DGKI: variants seen among roughly 807,000 people sequenced by gnomAD.
The protein encoded by DGKI is DAG kinase iota.
Under a neutral mutation model 147.5 loss-of-function variants are expected in DGKI, and 55 were observed. That is an observed-to-expected ratio of 0.37 (90% confidence interval 0.30 to 0.47). The LOEUF is 0.47. Among genes scored for constraint, DGKI ranks in the 20% least tolerant of loss-of-function variants. The pLI is 1.00. For missense variants in DGKI, 1,007 were observed against 1,323.8 expected, an observed-to-expected ratio of 0.76 and a Z score of 3.71; for synonymous variants, 469 against 477.1, an observed-to-expected ratio of 0.98 and a Z score of 0.22.
At chr7:137,574,794 G>A (rs1369894786) in intron 17 of DGKI, among the ~76,000 whole-genome samples, 1 of 152,104 alleles carries the variant, frequency 6.6e-6, no homozygotes, top group Non-Finnish European at 1.5e-5. Flanking sequence ...TATGGAAAGT[G>A]GAACAAATAA....
chr7:137,482,960 A>C (rs1341919156), intron 23 of DGKI, among the ~76,000 whole-genome samples: 1 of 152,090 alleles, frequency 6.6e-6, no homozygotes, highest in East Asian at 1.9e-4. Flanking sequence ...TGTTCAGCAC[A>C]CAAAACCTTT....
chr7:137,523,645 C>T (rs6964837), intron 20 of DGKI, among the ~76,000 whole-genome samples: 14,006 of 152,090 alleles, frequency 0.092, 1,397 homozygotes, highest in African/African-American at 0.24. Context: ...ACAGCTATAC[C>T]GATCCATCAC....
intron 1 of DGKI, among the ~76,000 whole-genome samples, chr7:137,802,615 C>G (rs988284322): frequency 3.3e-5 from 5 of 152,116 alleles, no homozygotes; most frequent in Non-Finnish European, 7.4e-5. Context: ...AAGGTCCTGA[C>G]TAATAAAGGG....
chr7:137,593,511 T>TGTAACTATGTGACAGCC (rs1819686994), intron 12 of DGKI, among the ~76,000 whole-genome samples: 1 of 152,212 alleles, frequency 6.6e-6, no homozygotes, highest in African/African-American at 2.4e-5. Context: ...ATCTGACAGC[T>TGTAACTATGTGACAGCC]GTAACTATGT....
intron 21 of DGKI, among the ~76,000 whole-genome samples, chr7:137,520,976 G>A (rs1816940013): frequency 1.3e-5 from 2 of 152,042 alleles, no homozygotes; most frequent in African/African-American, 2.4e-5. Flanking sequence ...GGGTTCGTAA[G>A]TCTTTGGTTC....
At chr7:137,772,653 A>C (rs1301616258) in intron 1 of DGKI, among the ~76,000 whole-genome samples, 1 of 152,178 alleles carries the variant, frequency 6.6e-6, no homozygotes, top group African/African-American at 2.4e-5. Context: ...TTCAAAAAAA[A>C]AGAAGAAGAA....
chr7:137,604,966 T>C (rs1820124218), intron 10 of DGKI, among the ~76,000 whole-genome samples: 1 of 152,292 alleles, frequency 6.6e-6, no homozygotes, highest in East Asian at 1.9e-4. Flanking sequence ...GGGATTGCAC[T>C]GGAGTAAACT....
intron 29 of DGKI, among the ~76,000 whole-genome samples, chr7:137,409,623 A>G (rs1192431098): frequency 6.6e-6 from 1 of 152,214 alleles, no homozygotes; most frequent in Non-Finnish European, 1.5e-5. Context: ...CTAAAAGGAT[A>G]TCCTGTTCCA....
chr7:137,629,361 G>C (rs1203115802), intron 6 of DGKI, among the ~76,000 whole-genome samples: 1 of 152,084 alleles, frequency 6.6e-6, no homozygotes, highest in Non-Finnish European at 1.5e-5. Context: ...ACATATAAAG[G>C]TATTCTATGG....
chr7:137,507,209 T>C (rs560652734), intron 21 of DGKI, among the ~76,000 whole-genome samples: 25 of 152,376 alleles, frequency 1.6e-4, no homozygotes, highest in African/African-American at 5.8e-4. Context: ...GTCAGCAGTT[T>C]CACAACTCCT....
intron 20 of DGKI, among the ~76,000 whole-genome samples, chr7:137,529,286 C>T (rs899332721): frequency 5.9e-5 from 9 of 152,138 alleles, no homozygotes; most frequent in East Asian, 1.9e-4. Flanking sequence ...ATGTAATCTA[C>T]GCATGTAACA....
At chr7:137,770,357 C>G (rs960666008) in intron 1 of DGKI, among the ~76,000 whole-genome samples, 1 of 152,058 alleles carries the variant, frequency 6.6e-6, no homozygotes, top group Non-Finnish European at 1.5e-5. Context: ...GGACAAATAC[C>G]TAATGCATGA....
chr7:137,549,664 TG>T (rs935887546), intron 20 of DGKI, among the ~76,000 whole-genome samples: 15 of 152,214 alleles, frequency 9.9e-5, no homozygotes, highest in African/African-American at 3.6e-4. Context: ...ACACAATTGA[TG>T]GTCAAAGCAG....
chr7:137,436,209 C>T (rs1452551468), intron 28 of DGKI, among the ~76,000 whole-genome samples: 1 of 152,170 alleles, frequency 6.6e-6, no homozygotes, highest in African/African-American at 2.4e-5. Flanking sequence ...ATGTTATTGA[C>T]AGGAGATTGG....
intron 5 of DGKI, among the ~76,000 whole-genome samples, chr7:137,649,130 T>C (rs141329548): frequency 1.2e-4 from 18 of 152,326 alleles, no homozygotes; most frequent in African/African-American, 3.6e-4. Context: ...ACATCCAATA[T>C]ATGTGTGTTG....
rs917505495 is a variant in DGKI at position 137,705,405 on chromosome 7, T to C, written c.402-15403A>G. Reference sequence around the variant, plus strand: ...TACTCAGGAATAAAAAAGAATGAACTACAGATACTTCCAACAACATGAATG... The same window carrying C: ...TACTCAGGAATAAAAAAGAATGAACCACAGATACTTCCAACAACATGAATG... On this transcript the variant is annotated intron_variant, in intron 1 of 32. Transcript: ENST00000614521. Among the ~76,000 whole-genome samples the C allele has an allele frequency of 2.6e-5, 4 of 152,040 alleles. No individual in the cohort carries two copies. The East Asian group carries it at 7.7e-4, about 29-fold the overall frequency.
chr7:137,844,671 G>A (rs945565564), intron 1 of DGKI, among the ~76,000 whole-genome samples: 7 of 152,202 alleles, frequency 4.6e-5, no homozygotes, highest in African/African-American at 1.7e-4. Context: ...GTCTATGCTT[G>A]TGTGTGTACA....
chr7:137,833,148 T>C (rs1798266413), intron 1 of DGKI, among the ~76,000 whole-genome samples: 1 of 152,232 alleles, frequency 6.6e-6, no homozygotes, highest in Non-Finnish European at 1.5e-5. Context: ...CTCTGCCTGT[T>C]ACCCAGTTCC....
At chr7:137,776,397 A>T (rs913215707) in intron 1 of DGKI, among the ~76,000 whole-genome samples, 3 of 152,256 alleles carry the variant, frequency 2.0e-5, no homozygotes, top group Non-Finnish European at 2.9e-5. Context: ...GTAGGCAATT[A>T]TATATAGTTT....
Sources: allele counts gnomAD v4.1 joint callset (sites outside exome capture counted in the v4.1 genomes callset), GRCh38; gene constraint gnomAD v4.1.1; transcripts MANE v1.5; gene names NCBI Gene and HGNC (gene_info 2026-07-23, HGNC 2026-07-21).